Variants in CLPTM1 observed in about 807,000 individuals in gnomAD.
CLPTM1 encodes the protein CLPTM1 regulator of GABA type A receptor forward trafficking.
CLPTM1 carries 21 observed loss-of-function variants against 77.3 expected under a neutral mutation model. The ratio of observed to expected loss-of-function variants is 0.27; its 90% CI spans 0.19 to 0.39. CLPTM1 has a LOEUF of 0.39. CLPTM1 is among the 10% of genes least tolerant of loss of function. The pLI is 1.00. For synonymous variants in CLPTM1, 373 were observed against 381.0 expected (o/e 0.98, Z 0.24); for missense variants, 642 against 921.2 (o/e 0.70, Z 3.92).
At chr19:44,987,916 A>G (rs204467) in intron 8 of CLPTM1, 164 bp from the exon 9 acceptor site, 376,283 of 649,980 alleles carry the variant, frequency 0.58, 112,671 homozygotes, top group Non-Finnish European at 0.64. Context: ...TTTGTGAGTC[A>G]CCCTCCTCTC....
chr19:44,963,700 A>C (rs1970581914), intron 2 of CLPTM1, among the ~76,000 whole-genome samples: 1 of 151,162 alleles, frequency 6.6e-6, no homozygotes, highest in African/African-American at 2.4e-5. Context: ...GCTCACTGCA[A>C]CCTCCACCTC....
intron 1 of CLPTM1, among the ~76,000 whole-genome samples, chr19:44,958,386 CT>C (rs1006303840): frequency 9.7e-4 from 141 of 145,190 alleles, no homozygotes; most frequent in Non-Finnish European, 9.7e-4. Flanking sequence ...AAGAGTGACT[CT>C]TTTTTTTTTT....
intron 2 of CLPTM1, among the ~76,000 whole-genome samples, chr19:44,962,622 C>T (rs1325699483): frequency 6.6e-6 from 1 of 152,056 alleles, no homozygotes; most frequent in East Asian, 1.9e-4. Context: ...CCTCACTGAA[C>T]CTTACTTTTT....
intron 6 of CLPTM1, 89 bp from the exon 7 acceptor site, chr19:44,986,366 C>T (rs972023313): frequency 3.4e-6 from 5 of 1,488,398 alleles, no homozygotes; most frequent in African/African-American, 1.4e-5. Flanking sequence ...AAGATTTTCT[C>T]GGGAACCCTG....
chr19:44,986,134 G>A (rs1600042809), intron 6 of CLPTM1, among the ~76,000 whole-genome samples: 2 of 152,108 alleles, frequency 1.3e-5, no homozygotes, highest in Non-Finnish European at 2.9e-5. Flanking sequence ...GATCACTTGA[G>A]CCCGGAAGTT....
intron 8 of CLPTM1, chr19:44,987,674 T>C: frequency 1.8e-6 from 1 of 569,380 alleles, no homozygotes; most frequent in Non-Finnish European, 3.2e-6. Context: ...CCCTTCCTCC[T>C]TCTGTCCCAG....
chr19:44,980,504 A>G (rs1320549326), intron 5 of CLPTM1, among the ~76,000 whole-genome samples: 1 of 96,134 alleles, frequency 1.0e-5, no homozygotes, highest in African/African-American at 4.6e-5. Flanking sequence ...GCAAGACTCC[A>G]TCTCAAAAAA....
At chr19:44,960,761 C>T (rs1002623966) in intron 1 of CLPTM1, among the ~76,000 whole-genome samples, 12 of 152,170 alleles carry the variant, frequency 7.9e-5, no homozygotes, top group Admixed American at 4.6e-4. Context: ...GTGACCTGAG[C>T]GTCCGGGGTG....
chr19:44,985,146 G>T, intron 5 of CLPTM1, 72 bp from the exon 6 acceptor site: 1 of 1,069,122 alleles, frequency 9.4e-7, no homozygotes, highest in Non-Finnish European at 1.4e-6. Flanking sequence ...CTGGTGGGCA[G>T]GGGTCCGGGC....
chr19:44,977,503 CAGCA>C, intron 5 of CLPTM1, 43 bp downstream of exon 5: 3 of 1,432,442 alleles, frequency 2.1e-6, no homozygotes, highest in Non-Finnish European at 2.9e-6. Flanking sequence ...TCCAGGAGGC[CAGCA>C]TCCTGGGAGC....
At chr19:44,979,395 C>T (rs886634032) in intron 5 of CLPTM1, among the ~76,000 whole-genome samples, 7 of 152,050 alleles carry the variant, frequency 4.6e-5, no homozygotes, top group African/African-American at 1.7e-4. Flanking sequence ...TCAGAAAGCC[C>T]CCCATTCTTC....
Position 44,973,139 on chromosome 19 carries a change from C to A in CLPTM1, c.238C>A (p.Gln80Lys). The A allele has an allele frequency of 1.2e-6, 2 of 1,614,100 alleles. No individual in the cohort carries two copies. Among genetic ancestry groups the A allele is most frequent in the Non-Finnish European group, 1.7e-6 (2 of 1,179,980 alleles). ...SSWFRRGPAP[Q>K]DQAGPGGAPR... The stretch of plus-strand genomic sequence containing the variant: ...TTGGTTCCGCCGAGGGCCGGCCCCT[C>A]AGGACCAGGCGGGCCCCGGAGGAGC... The change falls in exon 3 of 14, where the codon CAG becomes AAG. Residue 80 changes from glutamine to lysine, a missense_variant. Coordinates refer to ENST00000337392, the MANE Select transcript of CLPTM1 (RefSeq NM_001294.4).
Position 44,991,127 on chromosome 19 carries a change from A to G in CLPTM1, c.1420-111A>G. On this transcript the variant is annotated intron_variant, in intron 11 of 13. Transcript: ENST00000337392. This position sits in a 1 kb window ranked among gnomAD's most constrained non-coding sequence, Gnocchi z 5.4. ...GTCCGGAGTCCCCAGGGCTACCTGGAAATTCCCCCTGCCCGGCCTGCCAGA... is the reference window on the plus strand; with the variant it reads ...GTCCGGAGTCCCCAGGGCTACCTGGGAATTCCCCCTGCCCGGCCTGCCAGA... 4 of 1,555,346 alleles carry G rather than the reference A, an allele frequency of 2.6e-6. No homozygotes were observed. The highest frequency in any genetic ancestry group is 3.5e-6 in the Non-Finnish European group (4 of 1,144,754).
chr19:44,968,561 G>A (rs937793414), intron 2 of CLPTM1, among the ~76,000 whole-genome samples: 1 of 152,218 alleles, frequency 6.6e-6, no homozygotes, highest in Non-Finnish European at 1.5e-5. Context: ...CTGCAGGCCT[G>A]GGTGCATGGA....
At chr19:44,964,243 C>CCACATCTG (rs1970590354) in intron 2 of CLPTM1, among the ~76,000 whole-genome samples, 1 of 151,462 alleles carries the variant, frequency 6.6e-6, no homozygotes, top group African/African-American at 2.4e-5. Context: ...ATGATTCAGC[C>CCACATCTG]CACATCTGCA....
chr19:44,960,765 CG>C (rs973891307), intron 1 of CLPTM1, among the ~76,000 whole-genome samples: 1 of 152,148 alleles, frequency 6.6e-6, no homozygotes, highest in Non-Finnish European at 1.5e-5. Context: ...CCTGAGCGTC[CG>C]GGGTGAGTCC....
At chr19:44,966,710 A>T (rs1036817528) in intron 2 of CLPTM1, among the ~76,000 whole-genome samples, 1 of 152,042 alleles carries the variant, frequency 6.6e-6, no homozygotes, top group Non-Finnish European at 1.5e-5. Flanking sequence ...AAGGATTCCA[A>T]GAGAATTCAT....
Position 44,989,566 on chromosome 19 carries a change from G to A in CLPTM1, c.1133-829G>A, listed in dbSNP as rs557584112. Among the ~76,000 whole-genome samples, 12 of 149,334 alleles carry A rather than the reference G, an allele frequency of 8.0e-5. 1 individual carries two copies. The highest frequency in any genetic ancestry group is 1.5e-5 in the Non-Finnish European group (1 of 67,944). ...GGAGTGTGCCAGAGCTCTGGGATGTGGGGGAGCTCTGGGATGTGGGGGAGC... is the reference window on the plus strand; with the variant it reads ...GGAGTGTGCCAGAGCTCTGGGATGTAGGGGAGCTCTGGGATGTGGGGGAGC... On this transcript the variant is annotated intron_variant, in intron 9 of 13. Coordinates refer to ENST00000337392, the MANE Select transcript of CLPTM1 (RefSeq NM_001294.4).
chr19:44,978,234 G>A (rs527848492), intron 5 of CLPTM1, among the ~76,000 whole-genome samples: 2 of 152,018 alleles, frequency 1.3e-5, no homozygotes, highest in Admixed American at 1.3e-4. Flanking sequence ...GTGAAACCCC[G>A]TCTCTACTAA....
Sources: allele counts gnomAD v4.1 joint callset (sites outside exome capture counted in the v4.1 genomes callset), GRCh38; gene constraint gnomAD v4.1.1; non-coding constraint Gnocchi (gnomAD v3.1); transcripts MANE v1.5; gene names NCBI Gene and HGNC (gene_info 2026-07-23, HGNC 2026-07-21).